The following MID1 variants were observed in gnomAD, a reference collection of about 807,000 sequenced individuals.
MID1 encodes the protein E3 ubiquitin-protein ligase Midline-1.
A neutral mutation model predicts 40.4 loss-of-function variants in MID1; 7 were observed. The observed-to-expected ratio is 0.17, with a 90% CI of 0.10 to 0.33. The LOEUF (loss-of-function observed/expected upper bound fraction) is 0.33, where lower values mean the gene tolerates loss of function less well. MID1 is among the 10% of genes least tolerant of loss of function. The probability of loss-of-function intolerance (pLI) is 1.00; values close to 1 mark genes in which losing one functional copy is unlikely to be tolerated. For synonymous variants in MID1, 229 were observed against 221.2 expected (o/e 1.04, Z -0.31); for missense variants, 367 against 558.5 (o/e 0.66, Z 3.46).
At chrX:10,531,121 C>T (rs778335342) in intron 2 of MID1, among the ~76,000 whole-genome samples, 19 of 111,665 alleles carry the variant, frequency 1.7e-4, no homozygotes, top group African/African-American at 5.5e-4. Context: ...GCACCCAACA[C>T]CACCACTCCA....
chrX:10,704,387 G>A (rs768877286), intron 1 of MID1, among the ~76,000 whole-genome samples: 3 of 110,185 alleles, frequency 2.7e-5, no homozygotes, highest in East Asian at 2.9e-4. Flanking sequence ...GGACTACTGC[G>A]TTGCTACTGT....
At chrX:10,464,842 C>A (rs1311111732) in intron 7 of MID1, among the ~76,000 whole-genome samples, 2 of 111,241 alleles carry the variant, frequency 1.8e-5, no homozygotes, top group African/African-American at 6.5e-5. Flanking sequence ...TCAGTCAAGG[C>A]CAAGGCTACA....
At chrX:10,668,106 C>T (rs979887690) in intron 1 of MID1, among the ~76,000 whole-genome samples, 1 of 111,724 alleles carries the variant, frequency 9.0e-6, no homozygotes, top group Non-Finnish European at 1.9e-5. Flanking sequence ...TTACATCATT[C>T]TGTGACCCAC....
chrX:10,641,275 A>C (rs1456033952), intron 1 of MID1, among the ~76,000 whole-genome samples: 1 of 111,974 alleles, frequency 8.9e-6, no homozygotes, highest in African/African-American at 3.3e-5. Context: ...ACTGCTAGCA[A>C]GATTAATAAA....
intron 1 of MID1, among the ~76,000 whole-genome samples, chrX:10,675,547 T>C (rs2043017253): frequency 8.9e-6 from 1 of 111,738 alleles, no homozygotes; most frequent in Non-Finnish European, 1.9e-5. Context: ...GAAGGACTTT[T>C]GTAGCTTGCT....
At chrX:10,572,265 T>C (rs1354502651) in intron 1 of MID1, among the ~76,000 whole-genome samples, 3 of 109,060 alleles carry the variant, frequency 2.8e-5, no homozygotes, top group African/African-American at 1.0e-4. Flanking sequence ...AATAACAGTA[T>C]CAGGCCGGGC....
chrX:10,594,411 A>C (rs1381168108), intron 1 of MID1, among the ~76,000 whole-genome samples: 1 of 111,437 alleles, frequency 9.0e-6, no homozygotes, highest in Non-Finnish European at 1.9e-5. Flanking sequence ...CTTTCTAAGG[A>C]CCCCTCAAGG....
intron 1 of MID1, among the ~76,000 whole-genome samples, chrX:10,614,352 T>A (rs145765717): frequency 0.02 from 2,231 of 111,634 alleles, 60 homozygotes; most frequent in African/African-American, 0.069. Flanking sequence ...TTCAGGCAGG[T>A]TGCTGAGAAA....
At chrX:10,672,305 AC>A (rs1569143704) in intron 1 of MID1, among the ~76,000 whole-genome samples, 1 of 111,583 alleles carries the variant, frequency 9.0e-6, no homozygotes. Flanking sequence ...AATCTCCCAA[AC>A]TTTTGTATGT....
chrX:10,757,091 C>A (rs921016501), intron 1 of MID1, among the ~76,000 whole-genome samples: 1 of 111,918 alleles, frequency 8.9e-6, no homozygotes, highest in Non-Finnish European at 1.9e-5. Context: ...TCAGCCTCAG[C>A]TGGAGGGCTT....
At chrX:10,534,866 G>T (rs1400721603) in intron 2 of MID1, among the ~76,000 whole-genome samples, 1 of 112,595 alleles carries the variant, frequency 8.9e-6, no homozygotes, top group African/African-American at 3.2e-5. Flanking sequence ...AATCAAAGAA[G>T]AATATGAAAG....
At chrX:10,651,614 A>T (rs1449830215) in intron 1 of MID1, among the ~76,000 whole-genome samples, 3 of 111,760 alleles carry the variant, frequency 2.7e-5, no homozygotes, top group African/African-American at 9.8e-5. Flanking sequence ...CAGTTTTCAC[A>T]TCCCCTCATG....
rs371969998 is a variant in MID1, at chrX:10,786,288, G to C, written c.-187+47266C>G. 3.6e-3 allele frequency among the ~76,000 whole-genome samples: 397 copies of C among 110,728 alleles called. 5 individuals are homozygous for C. The East Asian group carries it at 0.069, about 19-fold the overall frequency. ...ATGAGATACCATCTCACACCAGTTA[G>C]AATGGCAATCATTAAAAAGTCAGGA... On this transcript the variant is annotated intron_variant, in intron 1 of 10. Transcript: ENST00000380785.
At chrX:10,827,289 C>A (rs1426367907) in intron 1 of MID1, among the ~76,000 whole-genome samples, 1 of 111,147 alleles carries the variant, frequency 9.0e-6, no homozygotes, top group Non-Finnish European at 1.9e-5. Context: ...AATGCCTGCC[C>A]ATGAACTCTC....
intron 3 of MID1, among the ~76,000 whole-genome samples, chrX:10,516,188 CTTTTTTT>C (rs1191096522): frequency 7.0e-5 from 5 of 71,495 alleles, no homozygotes; most frequent in Non-Finnish European, 1.3e-4. Context: ...TGAAGTTGCT[CTTTTTTT>C]TTTTTTTTTT....
At chrX:10,592,879 T>C (rs1324550947) in intron 1 of MID1, among the ~76,000 whole-genome samples, 1 of 112,286 alleles carries the variant, frequency 8.9e-6, no homozygotes, top group East Asian at 2.8e-4. Context: ...CTTGCATAAC[T>C]ACAAATCACA....
At chrX:10,797,791 T>A (rs1360822226) in intron 1 of MID1, among the ~76,000 whole-genome samples, 2 of 111,959 alleles carry the variant, frequency 1.8e-5, no homozygotes, top group Non-Finnish European at 3.8e-5. Context: ...TAACAAGCTG[T>A]CTCCATGAGA....
Position 10,530,312 on chromosome X carries a change from G to A in MID1, c.661-7125C>T, listed in dbSNP as rs747562197. ...AGTGCTCTTATTCTGTGAGGTTTAC[G>A]ACTTGGTGGCATTCAATACTACCCT... On this transcript the variant is annotated intron_variant, in intron 2 of 9. Transcript: ENST00000317552. Among the ~76,000 whole-genome samples the A allele has an allele frequency of 9.5e-4, 106 of 111,335 alleles. 1 individual carries two copies. The highest frequency in any genetic ancestry group is 3.2e-3 in the African/African-American group (98 of 30,593).
chrX:10,524,180 G>A (rs1932785038), intron 2 of MID1, among the ~76,000 whole-genome samples: 2 of 111,928 alleles, frequency 1.8e-5, no homozygotes, highest in South Asian at 3.7e-4. Flanking sequence ...TTCCTTTAGA[G>A]CATCAAACTT....
Sources: gnomAD v4.1 joint callset for allele counts (sites outside exome capture counted in the v4.1 genomes callset) on GRCh38, gnomAD v4.1.1 for gene constraint, MANE v1.5 for transcripts, NCBI Gene and HGNC (gene_info 2026-07-23, HGNC 2026-07-21) for gene names.